Variants in LSAMP observed in about 807,000 individuals in gnomAD.
LSAMP encodes limbic system associated membrane protein.
LSAMP carries 7 observed loss-of-function variants against 38.6 expected under a neutral mutation model. The ratio of observed to expected loss-of-function variants is 0.18; its 90% CI spans 0.10 to 0.34. The LOEUF is 0.34. Among genes scored for constraint, LSAMP ranks in the 10% least tolerant of loss-of-function variants. LSAMP has a pLI of 1.00. For missense variants in LSAMP, 313 were observed against 420.0 expected (o/e 0.75, Z 2.23); for synonymous variants, 154 against 166.8 (o/e 0.92, Z 0.59).
At chr3:115,987,694 T>C (rs1939550141) in intron 3 of LSAMP, among the ~76,000 whole-genome samples, 1 of 152,208 alleles carries the variant, frequency 6.6e-6, no homozygotes, top group African/African-American at 2.4e-5. Context: ...TGTGAATTCA[T>C]GTATATGCTA....
chr3:116,198,111 G>A (rs1180378483), intron 1 of LSAMP, among the ~76,000 whole-genome samples: 2 of 152,200 alleles, frequency 1.3e-5, no homozygotes, highest in Non-Finnish European at 2.9e-5. Context: ...ACGTTCAAAA[G>A]ATAAGGGCAG....
At chr3:116,048,994 A>G (rs72959730) in intron 2 of LSAMP, among the ~76,000 whole-genome samples, 10,449 of 152,272 alleles carry the variant, frequency 0.069, 1,158 homozygotes, top group African/African-American at 0.23. Flanking sequence ...CTGAATTTCA[A>G]TGCTGCAAAT....
intron 1 of LSAMP, among the ~76,000 whole-genome samples, chr3:116,215,976 C>A (rs1014839031): frequency 2.6e-5 from 4 of 152,282 alleles, no homozygotes; most frequent in African/African-American, 7.2e-5. Context: ...AATCATGCAA[C>A]AGCTCCTTGA....
intron 1 of LSAMP, among the ~76,000 whole-genome samples, chr3:116,159,941 G>A (rs929799406): frequency 2.0e-5 from 3 of 152,112 alleles, no homozygotes; most frequent in African/African-American, 7.2e-5. Flanking sequence ...CACTGATAGA[G>A]CTTCAGGCCA....
chr3:115,928,470 C>T (rs1937525512), intron 3 of LSAMP, among the ~76,000 whole-genome samples: 1 of 152,178 alleles, frequency 6.6e-6, no homozygotes, highest in Non-Finnish European at 1.5e-5. Context: ...AAGGCTTACA[C>T]CGTATTTCCT....
At chr3:115,870,959 G>A (rs1341974227) in intron 3 of LSAMP, among the ~76,000 whole-genome samples, 2 of 152,010 alleles carry the variant, frequency 1.3e-5, no homozygotes, top group African/African-American at 4.8e-5. Context: ...CAGTGTTTTC[G>A]CTTCCCACAG....
At chr3:116,439,895 G>A (rs531556368) in intron 1 of LSAMP, among the ~76,000 whole-genome samples, 1 of 152,250 alleles carries the variant, frequency 6.6e-6, no homozygotes, top group East Asian at 1.9e-4. Flanking sequence ...GCTAGTTTTT[G>A]TATTTTTAGT....
intron 6 of LSAMP, among the ~76,000 whole-genome samples, chr3:115,818,733 T>TTA (rs1328291958): frequency 7.6e-4 from 92 of 121,544 alleles, no homozygotes; most frequent in East Asian, 5.0e-3. Context: ...TCCAAAGAAT[T>TTA]TATATATATA....
chr3:116,210,519 G>C (rs539756774), intron 1 of LSAMP, among the ~76,000 whole-genome samples: 1 of 152,146 alleles, frequency 6.6e-6, no homozygotes, highest in African/African-American at 2.4e-5. Context: ...AGGAGCTCTC[G>C]GGCCTTTGGC....
At chr3:116,164,664 A>G (rs1288955160) in intron 1 of LSAMP, among the ~76,000 whole-genome samples, 18 of 135,536 alleles carry the variant, frequency 1.3e-4, no homozygotes, top group South Asian at 9.2e-4. Flanking sequence ...ATATATATAT[A>G]ATCCAAATAT....
At chr3:116,389,680 A>C (rs1186169982) in intron 1 of LSAMP, among the ~76,000 whole-genome samples, 1 of 152,226 alleles carries the variant, frequency 6.6e-6, no homozygotes, top group African/African-American at 2.4e-5. Context: ...TACACATGCA[A>C]GAATGAATGC....
rs72950184 is a variant in LSAMP at position 116,378,034 on chromosome 3, A to C, written c.155+66843T>G. 3.3e-3 allele frequency among the ~76,000 whole-genome samples: 500 copies of C among 152,106 alleles called. 4 individuals are homozygous for C. The highest frequency in any genetic ancestry group is 0.011 in the African/African-American group (453 of 41,530). Reference sequence around the variant, plus strand: ...GTCTGGCCTCAGTGCTTCAGGGAGCACCTAAACTTTAGAGTGACTTCCTCA... The same window carrying C: ...GTCTGGCCTCAGTGCTTCAGGGAGCCCCTAAACTTTAGAGTGACTTCCTCA... On this transcript the variant is annotated intron_variant, in intron 1 of 6. Coordinates refer to ENST00000490035, the MANE Select transcript of LSAMP (RefSeq NM_002338.5).
At chr3:115,854,729 T>C (rs1935453374) in intron 3 of LSAMP, among the ~76,000 whole-genome samples, 1 of 152,288 alleles carries the variant, frequency 6.6e-6, no homozygotes, top group Admixed American at 6.5e-5. Flanking sequence ...TCCTGCATAT[T>C]GTTTCTATGC....
At chr3:115,997,066 A>G (rs925981479) in intron 3 of LSAMP, among the ~76,000 whole-genome samples, 1 of 152,174 alleles carries the variant, frequency 6.6e-6, no homozygotes, top group East Asian at 1.9e-4. Context: ...TGGACCTTAC[A>G]TGCCAGTGTG....
At chr3:116,243,916 G>GA (rs1462675148) in intron 1 of LSAMP, among the ~76,000 whole-genome samples, 3 of 152,002 alleles carry the variant, frequency 2.0e-5, no homozygotes, top group Non-Finnish European at 2.9e-5. Flanking sequence ...GGCAGTGGTA[G>GA]AAAAAAACAG....
intron 2 of LSAMP, among the ~76,000 whole-genome samples, chr3:116,077,826 AC>A (rs1483010393): frequency 1.3e-5 from 2 of 152,154 alleles, no homozygotes. Context: ...GACTTTTATA[AC>A]CTAGACATTT....
intron 2 of LSAMP, among the ~76,000 whole-genome samples, chr3:116,029,091 T>A (rs1940860712): frequency 6.6e-6 from 1 of 152,174 alleles, no homozygotes; most frequent in African/African-American, 2.4e-5. Flanking sequence ...TTACATACTT[T>A]GTCATGTCTC....
rs141983685 is a variant in LSAMP at position 116,037,231 on chromosome 3, A to G, written c.389-17591T>C. On this transcript the variant is annotated intron_variant, in intron 2 of 6. Transcript: ENST00000490035. ...TTCCTTATTAAACAATCATTTCTTCATAAGAAAAACATAAAGGAATTTCAC... is the reference window on the plus strand; with the variant it reads ...TTCCTTATTAAACAATCATTTCTTCGTAAGAAAAACATAAAGGAATTTCAC... 1.2e-3 allele frequency among the ~76,000 whole-genome samples: 178 copies of G among 152,302 alleles called. 2 individuals are homozygous for G. The highest frequency in any genetic ancestry group is 4.1e-3 in the African/African-American group (171 of 41,578).
intron 1 of LSAMP, among the ~76,000 whole-genome samples, chr3:116,355,817 TA>T (rs1326062629): frequency 6.6e-6 from 1 of 152,068 alleles, no homozygotes; most frequent in African/African-American, 2.4e-5. Context: ...GACAAGTATA[TA>T]AAAAGGTGTT....
Sources: gnomAD v4.1 joint callset for allele counts (sites outside exome capture counted in the v4.1 genomes callset) on GRCh38, gnomAD v4.1.1 for gene constraint, MANE v1.5 for transcripts, NCBI Gene and HGNC (gene_info 2026-07-23, HGNC 2026-07-21) for gene names.